The following SLFN12L variants were observed in gnomAD, a reference collection of about 807,000 sequenced individuals.
SLFN12L encodes the protein schlafen family member 12-like.
A neutral mutation model predicts 34.8 loss-of-function variants in SLFN12L; 34 were observed. That is an observed-to-expected ratio of 0.98 (90% CI 0.74 to 1.30). SLFN12L has a LOEUF of 1.30. Ranked by LOEUF, SLFN12L falls within the 50% of genes most tolerant of loss-of-function variation. The pLI is 0.00. For missense variants in SLFN12L, 703 were observed against 696.2 expected, an observed-to-expected ratio of 1.01 and a Z score of -0.11; for synonymous variants, 259 against 247.5, an observed-to-expected ratio of 1.05 and a Z score of -0.44.
At chr17:35,487,885 A>T in intron 2 of SLFN12L, 1 of 846,916 alleles carries the variant, frequency 1.2e-6, no homozygotes, top group Middle Eastern at 2.2e-4. Context: ...ACGCGCTGTT[A>T]TCGACTCTGC....
chr17:35,530,412 AGGAAGGAAGGAAGGAAGGGAAGGGAAGGG>A (rs2072383799), intron 1 of SLFN12L, among the ~76,000 whole-genome samples: 2 of 11,288 alleles, frequency 1.8e-4, no homozygotes, highest in African/African-American at 5.3e-4. Flanking sequence ...GAAGGAAGGA[AGGAAGGAAGGAAGGAAGGGAAGGGAAGGG>A]AAGAAAGAAA....
At chr17:35,506,285 G>A (rs376470769) in intron 2 of SLFN12L, among the ~76,000 whole-genome samples, 79 of 152,286 alleles carry the variant, frequency 5.2e-4, no homozygotes, top group African/African-American at 1.9e-3. Context: ...TTAGGAAAGA[G>A]GCTGTATGGC....
intron 1 of SLFN12L, among the ~76,000 whole-genome samples, chr17:35,530,920 G>A (rs1195472279): frequency 6.6e-6 from 1 of 152,190 alleles, no homozygotes; most frequent in Non-Finnish European, 1.5e-5. Context: ...TCCTGTCAGA[G>A]ATACTAAGAA....
rs1049381166 is a variant in SLFN12L at position 35,472,477 on chromosome 17, G to A, written c.*2446C>T. On this transcript the variant is annotated 3_prime_UTR_variant, in exon 5 of 5. Coordinates refer to ENST00000628453, the MANE Select transcript of SLFN12L (RefSeq NM_001363830.2). ...GTGTTATTTCTGAGGTCTCTGTTCTGTTCCATTGGTCTATATGTCTCTTTT... is the reference window on the plus strand; with the variant it reads ...GTGTTATTTCTGAGGTCTCTGTTCTATTCCATTGGTCTATATGTCTCTTTT... Among the ~76,000 whole-genome samples the A allele has an allele frequency of 1.3e-5, 2 of 152,176 alleles. No homozygotes were observed. Among genetic ancestry groups the A allele is most frequent in the African/African-American group, 4.8e-5 (2 of 41,436 alleles).
At chr17:35,477,403 C>T (rs1416797998) in intron 4 of SLFN12L, among the ~76,000 whole-genome samples, 1 of 152,012 alleles carries the variant, frequency 6.6e-6, no homozygotes, top group Non-Finnish European at 1.5e-5. Context: ...AGCACTAAAC[C>T]ACAAAATTTT....
At chr17:35,522,182 A>G (rs1916017703) in intron 2 of SLFN12L, 97 bp downstream of exon 2, 5 of 1,505,408 alleles carry the variant, frequency 3.3e-6, no homozygotes, top group Non-Finnish European at 4.5e-6. Flanking sequence ...TGTCACAGAT[A>G]ATTTTACCAC....
intron 2 of SLFN12L, chr17:35,491,271 C>A (rs1000166071): frequency 3.4e-6 from 3 of 886,442 alleles, no homozygotes; most frequent in Non-Finnish European, 5.1e-6. Context: ...TCCTTAAAAA[C>A]CAATTTTTTT....
At position 35,475,486 on chromosome 17, in the gene SLFN12L, C is replaced by A; in HGVS notation, c.1277-1G>T. On this transcript the variant is annotated splice_acceptor_variant, in intron 4 of 4. Coordinates refer to ENST00000628453, the MANE Select transcript of SLFN12L (RefSeq NM_001363830.2). LOFTEE classifies it high-confidence loss of function. ...GCACAAGTTATCTTTTCTGATAGCC[C>A]TAGATGGGGAAATAATGATAAATTA... 1 of 1,579,098 alleles carries A rather than the reference C, an allele frequency of 6.3e-7. No homozygotes were observed. The highest frequency in any genetic ancestry group is 1.4e-5 in the African/African-American group (1 of 73,010).
intron 1 of SLFN12L, among the ~76,000 whole-genome samples, chr17:35,530,418 GAA>G (rs1567693622): frequency 0.054 from 631 of 11,732 alleles, 90 homozygotes; most frequent in East Asian, 0.15. Flanking sequence ...AGGAAGGAAG[GAA>G]GGAAGGAAGG....
chr17:35,499,258 G>A, intron 2 of SLFN12L: 1 of 823,632 alleles, frequency 1.2e-6, no homozygotes, highest in Non-Finnish European at 1.8e-6. Context: ...ACATATCTTA[G>A]AATGGACTTC....
At chr17:35,487,628 A>C (rs1219429685) in intron 2 of SLFN12L, 6 of 1,304,106 alleles carry the variant, frequency 4.6e-6, no homozygotes, top group East Asian at 2.5e-5. Context: ...GCCCACGTGA[A>C]TAGCTCTGAG....
In SLFN12L at chr17:35,479,985, T is replaced by C. The variant is rs775737648; in HGVS notation, c.297A>G (p.Gly99=). 2 of 1,614,044 alleles carry C rather than the reference T, an allele frequency of 1.2e-6. No homozygotes were observed. The highest frequency in any genetic ancestry group is 1.7e-6 in the Non-Finnish European group (2 of 1,179,942). Residue 99 remains glycine, a synonymous_variant, in exon 3 of 5, where the codon GGA becomes GGG. Coordinates refer to ENST00000628453, the MANE Select transcript of SLFN12L (RefSeq NM_001363830.2). ...AVCALLNSGG[G]VIKAEVENKG... Reference sequence around the variant, plus strand: ...TATTCTCAACTTCAGCCTTGATCACTCCCCCTCCAGAATTCAGCAGAGCAC... The same window carrying C: ...TATTCTCAACTTCAGCCTTGATCACCCCCCCTCCAGAATTCAGCAGAGCAC...
intron 1 of SLFN12L, among the ~76,000 whole-genome samples, chr17:35,530,414 GAAGGAAGGAAGGAAGGGAAGGGAAGGGAA>G (rs1449472554): frequency 1.6e-3 from 20 of 12,122 alleles, no homozygotes; most frequent in South Asian, 6.4e-3. Context: ...AGGAAGGAAG[GAAGGAAGGAAGGAAGGGAAGGGAAGGGAA>G]GAAAGAAAGA....
intron 2 of SLFN12L, among the ~76,000 whole-genome samples, chr17:35,519,000 A>G (rs1225768354): frequency 6.6e-6 from 1 of 152,226 alleles, no homozygotes; most frequent in Admixed American, 6.5e-5. Context: ...CGTACACACT[A>G]TGCAGCCATA....
At chr17:35,498,522 C>G (rs1597856405) in intron 2 of SLFN12L, 1 of 1,239,748 alleles carries the variant, frequency 8.1e-7, no homozygotes, top group Admixed American at 1.7e-5. Context: ...CTTTGTCTGC[C>G]TCCATCTCAG....
chr17:35,483,057 C>G (rs894061388), intron 2 of SLFN12L, among the ~76,000 whole-genome samples: 1 of 152,138 alleles, frequency 6.6e-6, no homozygotes, highest in Admixed American at 6.5e-5. Flanking sequence ...GTGGAACTAC[C>G]CTCTCTGCTG....
intron 2 of SLFN12L, among the ~76,000 whole-genome samples, chr17:35,502,053 A>AAG (rs555281101): frequency 3.3e-5 from 5 of 151,734 alleles, no homozygotes; most frequent in Non-Finnish European, 4.4e-5. Context: ...AGGAAAGTCA[A>AAG]AGAGAGAGAG....
intron 2 of SLFN12L, among the ~76,000 whole-genome samples, chr17:35,510,706 T>A (rs1426345157): frequency 6.6e-6 from 1 of 152,044 alleles, no homozygotes; most frequent in African/African-American, 2.4e-5. Context: ...TTGTACACTT[T>A]GAAAGAATTA....
rs771501969 is a variant in SLFN12L at position 35,475,301 on chromosome 17, A to G, written c.1461T>C (p.Ala487=). 7 of 1,614,200 alleles carry G rather than the reference A, an allele frequency of 4.3e-6. No individual in the cohort carries two copies. The South Asian group carries it at 7.7e-5, about 18-fold the overall frequency. The change falls in exon 5 of 5, where the codon GCT becomes GCC. Residue 487 remains alanine (A), a synonymous_variant. Coordinates refer to ENST00000628453, the MANE Select transcript of SLFN12L (RefSeq NM_001363830.2). Reference sequence around the variant, plus strand: ...GAGGCTTGTCCTGGGAAATCAGAAGAGCATCACAGAGGACTTTGTGGTTCT... The same window carrying G: ...GAGGCTTGTCCTGGGAAATCAGAAGGGCATCACAGAGGACTTTGTGGTTCT... ...LQENHKVLCD[A]LLISQDKPPV...
Sources: gnomAD v4.1 joint callset for allele counts (sites outside exome capture counted in the v4.1 genomes callset) on GRCh38, gnomAD v4.1.1 for gene constraint, MANE v1.5 for transcripts, NCBI Gene and HGNC (gene_info 2026-07-23, HGNC 2026-07-21) for gene names.